Variants in TRIML2 observed in about 807,000 individuals in gnomAD.
TRIML2 encodes tripartite motif family like 2.
TRIML2 carries 28 observed loss-of-function variants against 31.2 expected under a neutral mutation model. The ratio of observed to expected loss-of-function variants is 0.90; its 90% confidence interval spans 0.66 to 1.23. The LOEUF (loss-of-function observed/expected upper bound fraction) is 1.23. Among genes scored for constraint, TRIML2 ranks in the 50% most tolerant of loss-of-function variants. The pLI is 0.00. For missense variants in TRIML2, 536 were observed against 528.3 expected (o/e 1.01, Z -0.14); for synonymous variants, 187 against 197.5 (o/e 0.95, Z 0.45).
intron 3 of TRIML2, 92 bp from the exon 4 acceptor site, chr4:188,101,342 T>G (rs1358921504): frequency 1.6e-6 from 1 of 633,768 alleles, no homozygotes; most frequent in East Asian, 2.9e-5. Flanking sequence ...TATATCTATA[T>G]ATAGATATAT....
chr4:188,109,068 G>T (rs1351691224), intron 1 of TRIML2, among the ~76,000 whole-genome samples, 175 bp downstream of exon 1: 1 of 151,944 alleles, frequency 6.6e-6, no homozygotes, highest in East Asian at 1.9e-4. Flanking sequence ...GAAAATTGAC[G>T]AATTAAGTCC....
chr4:188,102,146 A>G (rs928202753), intron 3 of TRIML2, among the ~76,000 whole-genome samples: 39 of 151,804 alleles, frequency 2.6e-4, no homozygotes, highest in African/African-American at 7.5e-4. Context: ...AAAAAAAAAA[A>G]AAAGAAATGT....
intron 4 of TRIML2, among the ~76,000 whole-genome samples, chr4:188,099,959 C>T (rs748654202): frequency 3.3e-5 from 5 of 152,044 alleles, no homozygotes; most frequent in East Asian, 3.8e-4. Context: ...TAGTCACATA[C>T]GCAACTTGAG....
intron 7 of TRIML2, among the ~76,000 whole-genome samples, chr4:188,094,214 C>G (rs565881265): frequency 5.8e-4 from 89 of 152,232 alleles, no homozygotes; most frequent in African/African-American, 2.1e-3. Context: ...TTCCTAAGAT[C>G]GAGAATAAGC....
chr4:188,094,493 A>G (rs140462450), intron 7 of TRIML2, among the ~76,000 whole-genome samples: 1 of 152,372 alleles, frequency 6.6e-6, no homozygotes, highest in African/African-American at 2.4e-5. Context: ...ACTAGAAATG[A>G]ATGAAATGTC....
chr4:188,108,324 A>T (rs1734124826), intron 1 of TRIML2, among the ~76,000 whole-genome samples: 1 of 152,200 alleles, frequency 6.6e-6, no homozygotes, highest in Non-Finnish European at 1.5e-5. Flanking sequence ...ACTCAAAATT[A>T]ACATATCTAA....
Position 188,097,142 on chromosome 4 carries a change from C to T in TRIML2, c.664G>A (p.Glu222Lys). The change falls in exon 7 of 8, where the codon GAG (glutamate) becomes AAG (lysine). Residue 222 changes from glutamate (E) to lysine (K), a missense_variant. Coordinates refer to ENST00000682553, the MANE Select transcript of TRIML2 (RefSeq NM_173553.4). ...GTGATATGAGCGGGCTCCAGATGCT[C>T]AAGCAGCAGTGACTTGCTCCTGAAG... ...SLERSKSLLL[E>K]HLEPAHITDL... The T allele has an allele frequency of 1.2e-6, 2 of 1,614,078 alleles. No homozygotes were observed. Among genetic ancestry groups the T allele is most frequent in the Non-Finnish European group, 1.7e-6 (2 of 1,179,970 alleles).
In TRIML2 at chr4:188,106,231, GTA is replaced by G. The variant is rs536037649; in HGVS notation, c.-222-643_-222-642del. Among the ~76,000 whole-genome samples, 26 of 151,406 alleles carry G rather than the reference GTA, an allele frequency of 1.7e-4. 1 individual carries two copies. The South Asian group carries it at 5.4e-3, about 31-fold the overall frequency. On this transcript the variant is annotated intron_variant, in intron 1 of 7. Coordinates refer to ENST00000682553, the MANE Select transcript of TRIML2 (RefSeq NM_173553.4). ...CGCCCGGCTAATTTTTTGTATTTTT[GTA>G]GTAGAGACGGGGTTTCACCGTGTTA...
In TRIML2 at chr4:188,097,389, G is replaced by A. The variant is rs367849226; in HGVS notation, c.622-43C>T. ...GACCAGGTTACTACTGGGTTTTTGA[G>A]CTGTTTTTGCAATCTGTGCCCAGGA... is the stretch of plus-strand genomic sequence containing the variant. On this transcript the variant is annotated intron_variant, in intron 5 of 7. Transcript: ENST00000682553. 9 of 1,599,232 alleles carry A rather than the reference G, an allele frequency of 5.6e-6. 1 individual carries two copies. The highest frequency in any genetic ancestry group is 7.7e-6 in the Non-Finnish European group (9 of 1,169,714).
chr4:188,105,370 C>T lies in TRIML2; in HGVS notation c.-2G>A. 6.4e-7 allele frequency: 1 copy of T among 1,567,126 alleles called. No individual in the cohort carries two copies. The highest frequency in any genetic ancestry group is 8.7e-7 in the Non-Finnish European group (1 of 1,152,950). ...CTGAGGGCTGAGCCTTTTGGACATC[C>T]TGGTAGGGGTCCCTAGTTGAAGACT... On this transcript the variant is annotated 5_prime_UTR_variant, in exon 2 of 8. Transcript: ENST00000682553.
At chr4:188,099,984 G>C (rs1733700994) in intron 4 of TRIML2, among the ~76,000 whole-genome samples, 1 of 151,866 alleles carries the variant, frequency 6.6e-6, no homozygotes, top group Non-Finnish European at 1.5e-5. Context: ...TTATTTAGGG[G>C]GAAAAAACAT....
In TRIML2 at chr4:188,099,162, A is replaced by G. The variant is rs756032459; in HGVS notation, c.494T>C (p.Val165Ala). The stretch of plus-strand genomic sequence containing the variant: ...CAGTTTCTCCATGTTCTCTCTCCCC[A>G]CACGGCCCAGTCTCTGCAGAAGCAT... Reference protein sequence around the residue: ...FQEMLQRLGRVGRENMEKLKE... With the variant: ...FQEMLQRLGRAGRENMEKLKE... Residue 165 changes from valine (V) to alanine (A), a missense_variant, in exon 5 of 8, where the codon GTG (valine) becomes GCG (alanine). Transcript: ENST00000682553. The G allele has an allele frequency of 9.3e-6, 15 of 1,610,434 alleles. No homozygotes were observed. In the East Asian group the frequency reaches 2.9e-4, roughly 31 times the overall value.
chr4:188,098,617 A>G (rs752692860), intron 5 of TRIML2: 25 of 201,624 alleles, frequency 1.2e-4, no homozygotes, highest in Non-Finnish European at 2.5e-4. Flanking sequence ...CCACACATGT[A>G]TATGTGTGTG....
rs1337232024 is a variant in TRIML2 at position 188,105,236 on chromosome 4, G to A, written c.133C>T (p.Gln45Ter). ...ITLCSKCFQSQEHKHHMVCGI... is the reference protein window; with the variant it reads ...ITLCSKCFQS ...CACACCATGTGATGTTTGTGCTCCT[G>A]GGACTGGAAGCATTTGCTGCAGAGT... The change falls in exon 2 of 8, where the codon CAG (glutamine) becomes TAG (stop). Residue 45 changes from glutamine (Q) to a stop codon, truncating the protein, a stop_gained. Coordinates refer to ENST00000682553, the MANE Select transcript of TRIML2 (RefSeq NM_173553.4). LOFTEE classifies it high-confidence loss of function. The A allele has an allele frequency of 1.9e-6, 3 of 1,611,800 alleles. No individual in the cohort carries two copies. Among genetic ancestry groups the A allele is most frequent in the African/African-American group, 2.7e-5 (2 of 74,878 alleles).
At chr4:188,106,082 C>A (rs925153809) in intron 1 of TRIML2, 1 of 151,668 alleles carries the variant, frequency 6.6e-6, no homozygotes, top group Non-Finnish European at 1.5e-5. Flanking sequence ...CGGAGTCTCG[C>A]TCTGTCACCC....
intron 7 of TRIML2, among the ~76,000 whole-genome samples, chr4:188,094,044 C>A (rs2111156798): frequency 6.6e-6 from 1 of 150,880 alleles, no homozygotes; most frequent in African/African-American, 2.4e-5. Flanking sequence ...TGAGCTGAGG[C>A]TTCGCCATTG....
chr4:188,094,436 A>G (rs962234042), intron 7 of TRIML2, among the ~76,000 whole-genome samples: 1 of 152,214 alleles, frequency 6.6e-6, no homozygotes, highest in African/African-American at 2.4e-5. Context: ...ATAGGGTACA[A>G]ATGTCAATAT....
rs199688705 is a variant in TRIML2, at chr4:188,091,618, G to T, written c.1069C>A (p.Pro357Thr). Residue 357 changes from proline (P) to threonine (T), a missense_variant, in exon 8 of 8, where the codon CCT (proline) becomes ACT (threonine). Coordinates refer to ENST00000682553, the MANE Select transcript of TRIML2 (RefSeq NM_173553.4). ...TTTTCCAGGAAGAGCCTTTTCAGAGGGGGGAAGACCCAGAGAGTCCACTCG... is the reference window on the plus strand; with the variant it reads ...TTTTCCAGGAAGAGCCTTTTCAGAGTGGGGAAGACCCAGAGAGTCCACTCG... ...GTEWTLWVFP[P>T]LKRLFLEKKL... The T allele has an allele frequency of 1.9e-6, 3 of 1,614,144 alleles. No individual in the cohort carries two copies. The highest frequency in any genetic ancestry group is 1.1e-5 in the South Asian group (1 of 91,078).
chr4:188,108,882 A>T (rs1314012509), intron 1 of TRIML2, among the ~76,000 whole-genome samples: 1 of 152,124 alleles, frequency 6.6e-6, no homozygotes, highest in Non-Finnish European at 1.5e-5. Flanking sequence ...GAACAAGTTT[A>T]CTTGTGGGTC....
Sources: gnomAD v4.1 joint callset for allele counts (sites outside exome capture counted in the v4.1 genomes callset) on GRCh38, gnomAD v4.1.1 for gene constraint, MANE v1.5 for transcripts, NCBI Gene and HGNC (gene_info 2026-07-23, HGNC 2026-07-21) for gene names.